The following GRIP1 variants were observed in gnomAD, a reference collection of about 807,000 sequenced individuals.
GRIP1 encodes glutamate receptor interacting protein 1.
In GRIP1, 45 loss-of-function variants were observed where a neutral mutation model predicts 129.9. The ratio of observed to expected loss-of-function variants is 0.35; its 90% confidence interval spans 0.27 to 0.44. GRIP1 has a LOEUF of 0.44. Ranked by LOEUF, GRIP1 falls within the 20% of genes least tolerant of loss-of-function variation. GRIP1 has a pLI of 1.00. For missense variants in GRIP1, 1,196 were observed against 1,396.8 expected, an observed-to-expected ratio of 0.86 and a Z score of 2.29; for synonymous variants, 530 against 520.8, an observed-to-expected ratio of 1.02 and a Z score of -0.24.
In GRIP1 at chr12:67,050,921, C is replaced by T. The variant is rs750334709; in HGVS notation, c.58+18129G>A. Among the ~76,000 whole-genome samples the T allele has an allele frequency of 2.2e-4, 34 of 152,038 alleles. 1 individual carries two copies. Among genetic ancestry groups the T allele is most frequent in the Admixed American group, 6.6e-5 (1 of 15,260 alleles). On this transcript the variant is annotated intron_variant, in intron 1 of 1. Transcript: ENST00000643019. Reference sequence around the variant, plus strand: ...TAAGGTCAGAGTTTGTCTGGCATGTCCAGAAAGGTAAGAGGAAACTACGGG... The same window carrying T: ...TAAGGTCAGAGTTTGTCTGGCATGTTCAGAAAGGTAAGAGGAAACTACGGG...
At chr12:66,738,198 G>T (rs1486164551) in intron 1 of GRIP1, among the ~76,000 whole-genome samples, 1 of 151,752 alleles carries the variant, frequency 6.6e-6, no homozygotes, top group Admixed American at 6.6e-5. Context: ...GGCAAGTGAT[G>T]TCATAGATTT....
At chr12:66,984,085 A>G (rs117785170) in intron 1 of GRIP1, among the ~76,000 whole-genome samples, 1 of 152,334 alleles carries the variant, frequency 6.6e-6, no homozygotes, top group Non-Finnish European at 1.5e-5. Flanking sequence ...GCAAAGCCAC[A>G]CTTAGAAATC....
intron 1 of GRIP1, among the ~76,000 whole-genome samples, chr12:66,859,447 G>A (rs751013168): frequency 1.2e-4 from 18 of 151,688 alleles, no homozygotes; most frequent in East Asian, 3.9e-4. Context: ...ATTCAAACTC[G>A]AATATTAATT....
At chr12:66,495,821 T>C (rs2060223832) in intron 7 of GRIP1, among the ~76,000 whole-genome samples, 1 of 152,162 alleles carries the variant, frequency 6.6e-6, no homozygotes, top group African/African-American at 2.4e-5. Flanking sequence ...GTTAAGGAAA[T>C]CCCTTCTGAG....
intron 2 of GRIP1, among the ~76,000 whole-genome samples, chr12:66,576,059 A>G (rs969899205): frequency 7.2e-5 from 11 of 152,224 alleles, no homozygotes; most frequent in African/African-American, 2.7e-4. Context: ...AAGAATCTCA[A>G]TTTCTATATT....
chr12:66,685,635 C>G (rs576429061), intron 1 of GRIP1, among the ~76,000 whole-genome samples: 44 of 152,288 alleles, frequency 2.9e-4, no homozygotes, highest in African/African-American at 1.1e-3. Flanking sequence ...CTTCAAAAAT[C>G]CAACCCCAAC....
At chr12:66,376,883 A>G (rs2055810309) in intron 22 of GRIP1, 134 bp downstream of exon 22, 1 of 785,408 alleles carries the variant, frequency 1.3e-6, no homozygotes. Context: ...AGAAGCCACA[A>G]GTCAGTAAGC....
intron 23 of GRIP1, among the ~76,000 whole-genome samples, chr12:66,354,233 T>G (rs1208239068): frequency 6.6e-6 from 1 of 151,822 alleles, no homozygotes; most frequent in Non-Finnish European, 1.5e-5. Flanking sequence ...CCACCCCGGG[T>G]CTCTCTGCAT....
intron 1 of GRIP1, among the ~76,000 whole-genome samples, chr12:66,755,446 C>T (rs2037257381): frequency 6.6e-6 from 1 of 152,178 alleles, no homozygotes; most frequent in Non-Finnish European, 1.5e-5. Flanking sequence ...AAGCCTTTTA[C>T]ATTGTTAAAA....
At chr12:66,353,634 A>G (rs1417024862) in intron 23 of GRIP1, 71 bp from the exon 24 acceptor site, 2 of 1,347,562 alleles carry the variant, frequency 1.5e-6, no homozygotes, top group African/African-American at 1.4e-5. Context: ...TTCTTGATGA[A>G]CAATCTTTTC....
chr12:66,798,659 T>C (rs1286451021), intron 1 of GRIP1, among the ~76,000 whole-genome samples: 1 of 152,152 alleles, frequency 6.6e-6, no homozygotes, highest in Non-Finnish European at 1.5e-5. Flanking sequence ...GAAATAATTA[T>C]GCCATTTTAA....
At chr12:66,679,522 T>C (rs1467903259), upstream of GRIP1, among the ~76,000 whole-genome samples, 1 of 151,766 alleles carries the variant, frequency 6.6e-6, no homozygotes, top group Non-Finnish European at 1.5e-5. Context: ...ATCACAGTTC[T>C]GCCTATAGCG....
At position 66,787,572 on chromosome 12, in the gene GRIP1, G is replaced by T. The variant is rs145609588; in HGVS notation, c.-420+16481C>A. On this transcript the variant is annotated intron_variant, in intron 1 of 4. Coordinates refer to the GRIP1 transcript ENST00000538373. ...GAGGTGATTAGATCATGAGGGCAGGGCACAGCTTCATGGATGGGATCAGTG... is the reference window on the plus strand; with the variant it reads ...GAGGTGATTAGATCATGAGGGCAGGTCACAGCTTCATGGATGGGATCAGTG... Among the ~76,000 whole-genome samples, 555 of 152,186 alleles carry T rather than the reference G, an allele frequency of 3.6e-3. 3 individuals carry two copies. The highest frequency in any genetic ancestry group is 0.017 in the Middle Eastern group (5 of 294).
chr12:66,429,926 G>A (rs1328320313), intron 14 of GRIP1, among the ~76,000 whole-genome samples: 3 of 152,174 alleles, frequency 2.0e-5, no homozygotes, highest in African/African-American at 7.2e-5. Context: ...CAGGGCATGA[G>A]ACAGTCTAGG....
chr12:66,480,633 G>C (rs896855909), intron 7 of GRIP1, among the ~76,000 whole-genome samples: 1 of 152,128 alleles, frequency 6.6e-6, no homozygotes, highest in Non-Finnish European at 1.5e-5. Context: ...AACAAAGCTG[G>C]AGGCATCATG....
chr12:66,869,774 G>A (rs900120023), intron 1 of GRIP1, among the ~76,000 whole-genome samples: 1 of 152,120 alleles, frequency 6.6e-6, no homozygotes, highest in Non-Finnish European at 1.5e-5. Context: ...CAGGTATCTT[G>A]TAAAGATACA....
intron 1 of GRIP1, among the ~76,000 whole-genome samples, chr12:67,049,229 T>C (rs1037787932): frequency 1.4e-4 from 21 of 152,320 alleles, no homozygotes; most frequent in African/African-American, 5.1e-4. Context: ...TCATCAAATA[T>C]CCTTCATGAC....
At chr12:66,517,292 A>G (rs1435531534) in intron 6 of GRIP1, among the ~76,000 whole-genome samples, 2 of 152,190 alleles carry the variant, frequency 1.3e-5, no homozygotes, top group East Asian at 1.9e-4. Context: ...TAATTATAAC[A>G]GGAAAGTTGA....
chr12:66,614,347 T>C (rs1252530855), intron 1 of GRIP1, among the ~76,000 whole-genome samples: 1 of 151,900 alleles, frequency 6.6e-6, no homozygotes, highest in Non-Finnish European at 1.5e-5. Flanking sequence ...CAAACAGAAC[T>C]ATTGATTTCC....
Sources: allele counts gnomAD v4.1 joint callset (sites outside exome capture counted in the v4.1 genomes callset), GRCh38; gene constraint gnomAD v4.1.1; transcripts MANE v1.5; gene names NCBI Gene and HGNC (gene_info 2026-07-23, HGNC 2026-07-21).